Variants in FRMD6 observed in about 807,000 individuals in gnomAD.
FRMD6 encodes FERM domain containing 6, also known as FERM domain-containing protein 6.
FRMD6 carries 37 observed loss-of-function variants against 73.2 expected under a neutral mutation model. That is an observed-to-expected ratio of 0.51 (90% CI 0.39 to 0.66). The LOEUF (loss-of-function observed/expected upper bound fraction) is 0.66. FRMD6 is among the 30% of genes least tolerant of loss of function. The pLI, the probability that FRMD6 is intolerant of heterozygous loss-of-function variation, is 0.00. For missense variants in FRMD6, 714 were observed against 780.5 expected, an observed-to-expected ratio of 0.91 and a Z score of 1.02; for synonymous variants, 273 against 282.2, an observed-to-expected ratio of 0.97 and a Z score of 0.33.
At chr14:51,637,682 A>G (rs1891633606) in intron 2 of FRMD6, 1 of 152,236 alleles carries the variant, frequency 6.6e-6, no homozygotes, top group African/African-American at 2.4e-5. Context: ...TGGAGAACAG[A>G]AAAACATTTT....
At chr14:51,590,022 C>G (rs941990025) in intron 2 of FRMD6, among the ~76,000 whole-genome samples, 3 of 141,476 alleles carry the variant, frequency 2.1e-5, no homozygotes, top group African/African-American at 8.1e-5. Context: ...AAGCCAAGAT[C>G]GTGCTACCGC....
intron 1 of FRMD6, among the ~76,000 whole-genome samples, chr14:51,670,749 G>T (rs189327909): frequency 3.3e-5 from 5 of 151,682 alleles, no homozygotes; most frequent in African/African-American, 9.7e-5. Context: ...GGGTTCAAGC[G>T]ATTCTCCTGC....
intron 1 of FRMD6, among the ~76,000 whole-genome samples, chr14:51,528,780 A>G (rs1423755426): frequency 6.6e-6 from 1 of 152,196 alleles, no homozygotes; most frequent in Non-Finnish European, 1.5e-5. Context: ...AGCAGAATGG[A>G]ATTGAACCAT....
chr14:51,611,598 C>T (rs2357112), intron 2 of FRMD6, among the ~76,000 whole-genome samples: 93,032 of 152,020 alleles, frequency 0.61, 29,255 homozygotes, highest in East Asian at 0.7. Flanking sequence ...CCCAAGGATC[C>T]TACTAAGACA....
intron 10 of FRMD6, among the ~76,000 whole-genome samples, chr14:51,718,955 A>G (rs1041791627): frequency 6.6e-6 from 1 of 152,234 alleles, no homozygotes; most frequent in Non-Finnish European, 1.5e-5. Flanking sequence ...TAACCAAGAA[A>G]CAAGACAATT....
chr14:51,642,462 G>A (rs1040264109), intron 2 of FRMD6, among the ~76,000 whole-genome samples: 4 of 152,134 alleles, frequency 2.6e-5, no homozygotes, highest in Admixed American at 1.3e-4. Context: ...GCTTGAACCC[G>A]GAGGTGGAGG....
chr14:51,532,047 C>G (rs1338464123), intron 1 of FRMD6, among the ~76,000 whole-genome samples: 1 of 152,110 alleles, frequency 6.6e-6, no homozygotes, highest in Non-Finnish European at 1.5e-5. Context: ...CAAAATTATT[C>G]ATCTTTTCTT....
intron 2 of FRMD6, among the ~76,000 whole-genome samples, chr14:51,591,302 A>C (rs963442297): frequency 6.6e-6 from 1 of 152,150 alleles, no homozygotes; most frequent in Non-Finnish European, 1.5e-5. Flanking sequence ...AACAAAAAAA[A>C]ACTTTACATT....
intron 2 of FRMD6, among the ~76,000 whole-genome samples, chr14:51,603,724 G>T (rs937046089): frequency 2.0e-5 from 3 of 152,116 alleles, no homozygotes; most frequent in African/African-American, 7.2e-5. Flanking sequence ...GGACTGAAGT[G>T]CTTGCTATCT....
intron 2 of FRMD6, among the ~76,000 whole-genome samples, chr14:51,633,881 G>A (rs973237965): frequency 7.2e-5 from 11 of 152,030 alleles, no homozygotes; most frequent in Non-Finnish European, 1.6e-4. Flanking sequence ...ATAATGCAGC[G>A]ATTAACACAG....
At chr14:51,606,087 G>A (rs1375319319) in intron 2 of FRMD6, among the ~76,000 whole-genome samples, 4 of 152,230 alleles carry the variant, frequency 2.6e-5, no homozygotes, top group Non-Finnish European at 5.9e-5. Flanking sequence ...CCTTTGCCAT[G>A]CCTGTGCATC....
intron 2 of FRMD6, among the ~76,000 whole-genome samples, chr14:51,625,495 C>T (rs1891082958): frequency 6.6e-6 from 1 of 151,248 alleles, no homozygotes; most frequent in Admixed American, 6.6e-5. Flanking sequence ...GTGAAAAAAA[C>T]AGACATATTT....
the FRMD6 span, among the ~76,000 whole-genome samples, chr14:51,467,812 C>T: frequency 0.02 from 3,011 of 151,594 alleles, 98 homozygotes; most frequent in African/African-American, 0.069. Flanking sequence ...CCAGACTGGG[C>T]GGCCGGGCAG....
the FRMD6 span, among the ~76,000 whole-genome samples, chr14:51,403,828 A>G: frequency 1.3e-5 from 2 of 152,218 alleles, no homozygotes; most frequent in African/African-American, 4.8e-5. Context: ...AAACTCCACA[A>G]TTGATAAACT....
the FRMD6 span, among the ~76,000 whole-genome samples, chr14:51,400,889 C>T: frequency 0.21 from 32,325 of 152,114 alleles, 4,152 homozygotes; most frequent in East Asian, 0.5. Context: ...TAGCCAATTT[C>T]CTAGGTTGAA....
intron 2 of FRMD6, among the ~76,000 whole-genome samples, chr14:51,607,763 G>A (rs768120669): frequency 1.3e-5 from 2 of 152,182 alleles, no homozygotes; most frequent in Non-Finnish European, 2.9e-5. Context: ...TTTATTAAGT[G>A]ACTTTAAAAT....
intron 1 of FRMD6, among the ~76,000 whole-genome samples, chr14:51,655,955 A>G (rs1289930212): frequency 2.6e-5 from 4 of 152,242 alleles, no homozygotes; most frequent in Non-Finnish European, 5.9e-5. Context: ...TTTTTTGTTT[A>G]AGTGCTAATG....
chr14:51,708,727 CT>C (rs1896775999), intron 7 of FRMD6, among the ~76,000 whole-genome samples: 1 of 151,970 alleles, frequency 6.6e-6, no homozygotes, highest in African/African-American at 2.4e-5. Context: ...ATCCTCATAA[CT>C]TTATATGAAA....
chr14:51,644,399 T>A (rs75751945), intron 2 of FRMD6, among the ~76,000 whole-genome samples: 14,786 of 98,046 alleles, frequency 0.15, 731 homozygotes, highest in African/African-American at 0.17. Context: ...TCACTCACTC[T>A]CTCTCTCTCT....
Sources: allele counts gnomAD v4.1 joint callset (sites outside exome capture counted in the v4.1 genomes callset), GRCh38; gene constraint gnomAD v4.1.1; transcripts MANE v1.5; gene names NCBI Gene and HGNC (gene_info 2026-07-23, HGNC 2026-07-21).